MTA1: variants seen among roughly 807,000 people sequenced by gnomAD.
MTA1 encodes metastasis-associated protein MTA1.
MTA1 carries 15 observed loss-of-function variants against 97.0 expected under a neutral mutation model. That is an observed-to-expected ratio of 0.15 (90% CI 0.10 to 0.24). The LOEUF (loss-of-function observed/expected upper bound fraction) is 0.24, where lower values mean the gene tolerates loss of function less well. Among genes scored for constraint, MTA1 ranks in the 10% least tolerant of loss-of-function variants. The probability of loss-of-function intolerance (pLI) is 1.00; values close to 1 mark genes in which losing one functional copy is unlikely to be tolerated. For synonymous variants in MTA1, 435 were observed against 417.5 expected (o/e 1.04, Z -0.51); for missense variants, 709 against 1,015.1 (o/e 0.70, Z 4.10).
At position 105,463,706 on chromosome 14, in the gene MTA1, T is replaced by C; in HGVS notation, c.1076+155T>C. ...GGAGGGCGGCCCAGGGCTGGGGGGT[T>C]CTGGCTGCAGACGCAGTGGCCATGT... On this transcript the variant is annotated intron_variant, in intron 12 of 20. Coordinates refer to ENST00000331320, the MANE Select transcript of MTA1 (RefSeq NM_004689.4). The surrounding 1 kb of genome is among the most constrained non-coding windows in gnomAD (Gnocchi z 5.9). 1 of 711,348 alleles carries C rather than the reference T, an allele frequency of 1.4e-6. No individual in the cohort carries two copies. The highest frequency in any genetic ancestry group is 2.4e-6 in the Non-Finnish European group (1 of 423,234). The allele number at this position is 711,348 out of a possible 1,614,324, so 44.1% of individuals were successfully genotyped here. A position where few individuals can be genotyped will look rare whatever the true frequency, so the allele number is the denominator to read the frequency against.
At chr14:105,427,367 T>A (rs1366454696) in intron 1 of MTA1, among the ~76,000 whole-genome samples, 1 of 152,088 alleles carries the variant, frequency 6.6e-6, no homozygotes. Context: ...GGGCTCTTGG[T>A]GATTTTGCTT....
intron 10 of MTA1, among the ~76,000 whole-genome samples, chr14:105,462,858 G>A (rs1290376985): frequency 1.4e-5 from 2 of 146,224 alleles, no homozygotes; most frequent in Non-Finnish European, 3.1e-5. Flanking sequence ...GACAGAGCGA[G>A]ACTCCGTCTC....
rs367648098 is a variant in MTA1, at chr14:105,457,634, A to G, written c.551-636A>G. ...CATGTGAACCCAAGTATCTCAAAAT[A>G]AAAAGCTTGGGCCGGGCACGGTGGC... On this transcript the variant is annotated intron_variant, in intron 7 of 20. Coordinates refer to ENST00000331320, the MANE Select transcript of MTA1 (RefSeq NM_004689.4). 3.8e-3 allele frequency among the ~76,000 whole-genome samples: 583 copies of G among 152,372 alleles called. 4 individuals are homozygous for G. The highest frequency in any genetic ancestry group is 0.013 in the African/African-American group (558 of 41,592).
chr14:105,470,219 C>T lies in MTA1; in HGVS notation c.*4C>T. On this transcript the variant is annotated 3_prime_UTR_variant, in exon 21 of 21. Coordinates refer to ENST00000331320, the MANE Select transcript of MTA1 (RefSeq NM_004689.4). ...GCCCATCGTCATCGAGGACTAGGGG[C>T]CGCCCCCACCTGCGGCCGCCCCCCG... 6.4e-7 allele frequency: 1 copy of T among 1,560,672 alleles called. No homozygotes were observed. Among genetic ancestry groups the T allele is most frequent in the Non-Finnish European group, 8.6e-7 (1 of 1,158,100 alleles).
At chr14:105,451,775 C>CTTTTTTTT (rs1436886470) in intron 6 of MTA1, among the ~76,000 whole-genome samples, 6 of 118,268 alleles carry the variant, frequency 5.1e-5, no homozygotes, top group Admixed American at 9.7e-5. Flanking sequence ...TTTTCTTTTT[C>CTTTTTTTT]TTTTTTTGTT....
chr14:105,470,634 C>T lies in MTA1; in HGVS notation c.*419C>T, dbSNP rs954514807. 12 of 164,780 alleles carry T rather than the reference C, an allele frequency of 7.3e-5. No individual in the cohort carries two copies. The highest frequency in any genetic ancestry group is 1.3e-4 in the Non-Finnish European group (10 of 77,028). The allele number at this position is 164,780 out of a possible 1,614,324, so 10.2% of individuals were successfully genotyped here. On this transcript the variant is annotated 3_prime_UTR_variant, in exon 21 of 21. Coordinates refer to ENST00000331320, the MANE Select transcript of MTA1 (RefSeq NM_004689.4). Reference sequence around the variant, plus strand: ...TTAGGATCGTGCGGCCGCGGCCGGCCGAGCTGCCTGGCGGGGTTGGCCCTT... The same window carrying T: ...TTAGGATCGTGCGGCCGCGGCCGGCTGAGCTGCCTGGCGGGGTTGGCCCTT...
At position 105,464,332 on chromosome 14, in the gene MTA1, G is replaced by A. The variant is rs587645956; in HGVS notation, c.1193-84G>A. 38 of 1,556,196 alleles carry A rather than the reference G, an allele frequency of 2.4e-5. 1 individual carries two copies. In the African/African-American group the frequency reaches 2.7e-4, roughly 11 times the overall value. On this transcript the variant is annotated intron_variant, in intron 13 of 20. Transcript: ENST00000331320. ...GTGGGGGTGCCTGGCGGGTGGGGGCGGCCGGCGTGGGGGTGGCGGGGAATA... is the reference window on the plus strand; with the variant it reads ...GTGGGGGTGCCTGGCGGGTGGGGGCAGCCGGCGTGGGGGTGGCGGGGAATA...
At chr14:105,445,134 C>T (rs2082672849) in intron 2 of MTA1, among the ~76,000 whole-genome samples, 1 of 152,068 alleles carries the variant, frequency 6.6e-6, no homozygotes, top group Non-Finnish European at 1.5e-5. Context: ...TCCTTGGGAC[C>T]CTGCTGTTCT....
intron 3 of MTA1, among the ~76,000 whole-genome samples, chr14:105,448,554 G>A (rs1456230187): frequency 6.6e-6 from 1 of 152,180 alleles, no homozygotes; most frequent in Non-Finnish European, 1.5e-5. Context: ...CAGTTTGCTC[G>A]TGGGTCCCCA....
chr14:105,438,890 C>T (rs2082410883), intron 2 of MTA1, 151 bp downstream of exon 2: 2 of 750,378 alleles, frequency 2.7e-6, no homozygotes, highest in Non-Finnish European at 4.4e-6. Context: ...CGTCCACTGT[C>T]ACCTGCACCG....
In MTA1 at chr14:105,460,241, T is replaced by G. The variant is rs2083299697; in HGVS notation, c.654-117T>G. The G allele has an allele frequency of 3.6e-6, 3 of 825,244 alleles. No individual in the cohort carries two copies. In the Admixed American group the frequency reaches 9.2e-5, roughly 25 times the overall value. The allele number at this position is 825,244 out of a possible 1,614,324, so 51.1% of individuals were successfully genotyped here. On this transcript the variant is annotated intron_variant, in intron 8 of 20. Coordinates refer to ENST00000331320, the MANE Select transcript of MTA1 (RefSeq NM_004689.4). The stretch of plus-strand genomic sequence containing the variant: ...GGTCCCTGGCACCTGGGGAGTGGTG[T>G]GCCTTGGGGGAGTCCGTGCTGCCCG...
chr14:105,464,654 G>A lies in MTA1; in HGVS notation c.1345-20G>A, dbSNP rs1170628600. The A allele has an allele frequency of 5.0e-6, 8 of 1,603,066 alleles. No homozygotes were observed. The highest frequency in any genetic ancestry group is 1.1e-5 in the South Asian group (1 of 90,668). On this transcript the variant is annotated intron_variant, in intron 14 of 20. Transcript: ENST00000331320. ...CCCGGTCATGGCGCTGTGTTGGGGC[G>A]GTTGCGCCCCCTTCCGCAGAGTCCC... is the stretch of plus-strand genomic sequence containing the variant.
chr14:105,429,372 G>T (rs587599094), intron 1 of MTA1, among the ~76,000 whole-genome samples: 13 of 151,742 alleles, frequency 8.6e-5, no homozygotes, highest in Non-Finnish European at 1.5e-4. Flanking sequence ...TGCAACCTCC[G>T]CCTCCCGGGT....
chr14:105,447,571 G>T (rs1341108716), intron 3 of MTA1, among the ~76,000 whole-genome samples: 13 of 152,214 alleles, frequency 8.5e-5, no homozygotes, highest in African/African-American at 3.1e-4. Context: ...CGTTGGGGCT[G>T]ATAGGACTGG....
rs587617156 is a variant in MTA1 at position 105,422,399 on chromosome 14, C to T, written c.28+2336C>T. Among the ~76,000 whole-genome samples the T allele has an allele frequency of 6.6e-6, 1 of 152,234 alleles. No homozygotes were observed. Among genetic ancestry groups the T allele is most frequent in the South Asian group, 2.1e-4 (1 of 4,820 alleles). On this transcript the variant is annotated intron_variant, in intron 1 of 20. Transcript: ENST00000331320. The surrounding 1 kb of genome is among the most constrained non-coding windows in gnomAD (Gnocchi z 4.3). ...AGGTGTGCAGTGTCTCCTGAGCAGC[C>T]TTTGTCCGTCTGTCGCCGGCTGCCT... is the stretch of plus-strand genomic sequence containing the variant.
intron 2 of MTA1, among the ~76,000 whole-genome samples, chr14:105,443,215 A>G (rs1362046810): frequency 1.3e-5 from 2 of 152,202 alleles, no homozygotes; most frequent in Admixed American, 6.5e-5. Flanking sequence ...GAAGCAGAGC[A>G]TGGTGGTCCC....
chr14:105,444,254 A>G (rs2082640254), intron 2 of MTA1, among the ~76,000 whole-genome samples: 1 of 151,944 alleles, frequency 6.6e-6, no homozygotes, highest in Admixed American at 6.6e-5. Context: ...GGGCGCCTGT[A>G]GTCCCAGCTA....
intron 16 of MTA1, 65 bp downstream of exon 16, chr14:105,465,248 A>G (rs4983339): frequency 0.99 from 1,376,070 of 1,390,832 alleles, 681,902 homozygotes; most frequent in East Asian, 1. Flanking sequence ...ACCCAAGCTC[A>G]TGCACTGGTG....
At chr14:105,441,650 C>T (rs371515762) in intron 2 of MTA1, among the ~76,000 whole-genome samples, 79 of 152,224 alleles carry the variant, frequency 5.2e-4, no homozygotes, top group Middle Eastern at 3.4e-3. Context: ...AAAAATTAGC[C>T]GGGCGTGGTG....
Sources: allele counts gnomAD v4.1 joint callset (sites outside exome capture counted in the v4.1 genomes callset), GRCh38; gene constraint gnomAD v4.1.1; non-coding constraint Gnocchi (gnomAD v3.1); transcripts MANE v1.5; gene names NCBI Gene and HGNC (gene_info 2026-07-23, HGNC 2026-07-21).